NRXN3: variants seen among roughly 807,000 people sequenced by gnomAD.
NRXN3 encodes neurexin 3.
In NRXN3, 32 loss-of-function variants were observed where a neutral mutation model predicts 137.6. The observed-to-expected ratio is 0.23, with a 90% CI of 0.18 to 0.31. The LOEUF (loss-of-function observed/expected upper bound fraction) is 0.31. Ranked by LOEUF, NRXN3 falls within the 10% of genes least tolerant of loss-of-function variation. NRXN3 has a pLI of 1.00. For synonymous variants in NRXN3, 798 were observed against 784.5 expected (o/e 1.02, Z -0.29); for missense variants, 1,574 against 2,062.5 (o/e 0.76, Z 4.59).
intron 19 of NRXN3, among the ~76,000 whole-genome samples, chr14:79,709,347 A>G (rs2154049062): frequency 6.6e-6 from 1 of 152,274 alleles, no homozygotes; most frequent in East Asian, 1.9e-4. Context: ...GTATTAATGT[A>G]AGTGAAAGGG....
intron 15 of NRXN3, among the ~76,000 whole-genome samples, chr14:79,089,310 C>G (rs949906443): frequency 6.6e-6 from 1 of 151,752 alleles, no homozygotes; most frequent in African/African-American, 2.4e-5. Flanking sequence ...TTTGAGCTCC[C>G]GAGAATGCTA....
At chr14:78,779,509 C>T (rs901525775) in intron 8 of NRXN3, among the ~76,000 whole-genome samples, 2 of 151,564 alleles carry the variant, frequency 1.3e-5, no homozygotes, top group African/African-American at 4.8e-5. Flanking sequence ...AAACAAAAAA[C>T]AAAAAAACAG....
chr14:78,506,629 C>T (rs1388492329), intron 4 of NRXN3, among the ~76,000 whole-genome samples: 1 of 140,592 alleles, frequency 7.1e-6, no homozygotes, highest in African/African-American at 2.6e-5. Context: ...GGTAATATCT[C>T]ATATCTCATT....
chr14:79,356,026 CG>C (rs1464601707), intron 15 of NRXN3, among the ~76,000 whole-genome samples: 1 of 151,986 alleles, frequency 6.6e-6, no homozygotes, highest in African/African-American at 2.4e-5. Flanking sequence ...GTATTATTTG[CG>C]AAGTGTTCTG....
chr14:78,948,391 T>C (rs2099373390), intron 10 of NRXN3, among the ~76,000 whole-genome samples: 1 of 152,174 alleles, frequency 6.6e-6, no homozygotes, highest in South Asian at 2.1e-4. Context: ...GGTTGCTCTT[T>C]CTTGCAGGCA....
intron 4 of NRXN3, among the ~76,000 whole-genome samples, chr14:78,562,623 C>A (rs1372759020): frequency 6.6e-6 from 1 of 151,982 alleles, no homozygotes; most frequent in African/African-American, 2.4e-5. Context: ...AGGTCCCAGG[C>A]ATGGGAATGA....
At chr14:79,631,209 A>T (rs2153935453) in intron 16 of NRXN3, among the ~76,000 whole-genome samples, 1 of 152,386 alleles carries the variant, frequency 6.6e-6, no homozygotes, top group African/African-American at 2.4e-5. Context: ...TCATACTTTA[A>T]TTGGTAAATT....
chr14:79,805,057 C>T lies in NRXN3; in HGVS notation c.4015-55C>T, dbSNP rs2099198749. ...TGTCTTTGTTCATTAGTTTCCTTAT[C>T]TCTCTCTCTTCTCTCTCTTCCCCTA... On this transcript the variant is annotated intron_variant, in intron 19 of 20. Transcript: ENST00000335750. 5.0e-6 allele frequency: 6 copies of T among 1,197,168 alleles called. No individual in the cohort carries two copies. The East Asian group carries it at 9.5e-5, about 19-fold the overall frequency. The allele number at this position is 1,197,168 out of a possible 1,614,324, so 74.2% of individuals were successfully genotyped here.
Position 78,242,679 on chromosome 14 carries a change from C to G in NRXN3, c.-415C>G. 1 of 167,002 alleles carries G rather than the reference C, an allele frequency of 6.0e-6. No individual in the cohort carries two copies. The highest frequency in any genetic ancestry group is 1.7e-4 in the East Asian group (1 of 5,734). The allele number at this position is 167,002 out of a possible 1,614,324, so 10.3% of individuals were successfully genotyped here. A position where few individuals can be genotyped will look rare whatever the true frequency, so the allele number is the denominator to read the frequency against. On this transcript the variant is annotated 5_prime_UTR_variant, in exon 2 of 21. Transcript: ENST00000335750. ...TCCCTGGCTGGGGCATTTGGGGGTCCGCTGGGAGGAGTGCATCGCTGAAGG... is the reference window on the plus strand; with the variant it reads ...TCCCTGGCTGGGGCATTTGGGGGTCGGCTGGGAGGAGTGCATCGCTGAAGG...
At chr14:78,398,692 A>G (rs1256625062) in intron 4 of NRXN3, among the ~76,000 whole-genome samples, 1 of 152,148 alleles carries the variant, frequency 6.6e-6, no homozygotes, top group Admixed American at 6.5e-5. Flanking sequence ...GTGCTGGCAA[A>G]AGTCCTGGCT....
chr14:78,175,235 T>C (rs554105598), intron 1 of NRXN3, among the ~76,000 whole-genome samples: 4 of 152,212 alleles, frequency 2.6e-5, no homozygotes, highest in Non-Finnish European at 5.9e-5. Flanking sequence ...TGGTCTTACC[T>C]TTCTAGCATC....
At chr14:78,337,655 G>A (rs1220286452) in intron 4 of NRXN3, among the ~76,000 whole-genome samples, 1 of 152,144 alleles carries the variant, frequency 6.6e-6, no homozygotes, top group African/African-American at 2.4e-5. Context: ...GTTAGGCAGA[G>A]CACTGGATAT....
At chr14:78,402,400 A>G (rs995760495) in intron 4 of NRXN3, among the ~76,000 whole-genome samples, 2 of 152,206 alleles carry the variant, frequency 1.3e-5, no homozygotes, top group Non-Finnish European at 2.9e-5. Context: ...AATTCTTAGG[A>G]AATTCCTATT....
At chr14:78,712,437 T>G (rs112271989) in intron 7 of NRXN3, among the ~76,000 whole-genome samples, 18 of 152,230 alleles carry the variant, frequency 1.2e-4, no homozygotes, top group Admixed American at 3.9e-4. Context: ...AAAGCATATT[T>G]CTCTAGGAGT....
At chr14:78,909,228 C>A (rs2099229127) in intron 10 of NRXN3, among the ~76,000 whole-genome samples, 1 of 152,112 alleles carries the variant, frequency 6.6e-6, no homozygotes, top group Non-Finnish European at 1.5e-5. Context: ...CATGGCTTTA[C>A]CAGCATGTAC....
intron 16 of NRXN3, among the ~76,000 whole-genome samples, chr14:79,612,687 A>G (rs556260065): frequency 6.6e-6 from 1 of 152,234 alleles, no homozygotes; most frequent in African/African-American, 2.4e-5. Context: ...GCATCTCTAC[A>G]TAAAAATTTT....
At chr14:79,614,875 A>T (rs2098139072) in intron 16 of NRXN3, among the ~76,000 whole-genome samples, 1 of 152,146 alleles carries the variant, frequency 6.6e-6, no homozygotes, top group Admixed American at 6.5e-5. Flanking sequence ...GCAGCTGCCT[A>T]GTTAGGTATT....
At chr14:79,274,219 C>T (rs1220804640) in intron 15 of NRXN3, among the ~76,000 whole-genome samples, 1 of 151,908 alleles carries the variant, frequency 6.6e-6, no homozygotes, top group Non-Finnish European at 1.5e-5. Flanking sequence ...AATCTGAATG[C>T]ACTCTCAAAG....
intron 16 of NRXN3, among the ~76,000 whole-genome samples, chr14:79,579,075 T>G (rs2097691107): frequency 2.6e-5 from 4 of 152,026 alleles, no homozygotes; most frequent in Non-Finnish European, 5.9e-5. Context: ...CAGCTATTAT[T>G]CAAATTCAGT....
Sources: allele counts gnomAD v4.1 joint callset (sites outside exome capture counted in the v4.1 genomes callset), GRCh38; gene constraint gnomAD v4.1.1; transcripts MANE v1.5; gene names NCBI Gene and HGNC (gene_info 2026-07-23, HGNC 2026-07-21).